MSH6: variants seen among roughly 807,000 people sequenced by gnomAD.
The protein encoded by MSH6 is mutS homolog 6.
A neutral mutation model predicts 119.1 loss-of-function variants in MSH6; 85 were observed. The ratio of observed to expected loss-of-function variants is 0.71; its 90% confidence interval spans 0.60 to 0.85. The LOEUF is 0.85. Ranked by LOEUF, MSH6 falls within the 40% of genes least tolerant of loss-of-function variation. The pLI is 0.00. For missense variants in MSH6, 2,163 were observed against 1,655.3 expected, an observed-to-expected ratio of 1.31 and a Z score of -5.32; for synonymous variants, 830 against 586.9, an observed-to-expected ratio of 1.41 and a Z score of -5.99.
intron 6 of MSH6, 149 bp downstream of exon 6, chr2:47,805,176 T>G (rs1669901825): frequency 6.4e-6 from 4 of 625,372 alleles, no homozygotes; most frequent in South Asian, 1.9e-5. Context: ...CTGCATAGTC[T>G]CTCTCTCTTT....
chr2:47,796,885 T>C (rs1038897115), intron 3 of MSH6, among the ~76,000 whole-genome samples: 9 of 152,012 alleles, frequency 5.9e-5, no homozygotes, highest in African/African-American at 2.2e-4. Flanking sequence ...TGCTTGAACT[T>C]GGGAGGCAGA....
chr2:47,809,075 A>T, downstream of MSH6: 1 of 833,704 alleles, frequency 1.2e-6, no homozygotes, highest in Non-Finnish European at 1.9e-6. Context: ...ACACCGGCAA[A>T]TAGCCAAAAA....
Position 47,806,664 on chromosome 2 carries a change from C to CTATAATGGAATTAT in MSH6, c.4001+14_4001+27dup, listed in dbSNP as rs1670161884. ...TACGATTATTTCGGTAACTAACTAACTATAATGGAATTATAACTAACTGAC... is the reference window on the plus strand; with the variant it reads ...TACGATTATTTCGGTAACTAACTAACTATAATGGAATTATTATAATGGAATTATAACTAACTGAC... On this transcript the variant is annotated intron_variant, in intron 9 of 9. Transcript: ENST00000234420. The CTATAATGGAATTAT allele has an allele frequency of 6.2e-7, 1 of 1,600,604 alleles. No individual in the cohort carries two copies. Among genetic ancestry groups the CTATAATGGAATTAT allele is most frequent in the African/African-American group, 1.4e-5 (1 of 73,818 alleles).
Position 47,804,933 on chromosome 2 carries a change from C to G in MSH6, c.3462C>G (p.Ala1154=), listed in dbSNP as rs1553332163. The change falls in exon 6 of 10, where the codon GCC becomes GCG. Residue 1154 remains alanine, a synonymous_variant. Transcript: ENST00000234420. ...MRQAGLLAVM[A]QMGCYVPAEV... ...AGGCTGGCTTATTAGCTGTAATGGC[C>G]CAGATGGGTTGTTACGTCCCTGCTG... 6.2e-7 allele frequency: 1 copy of G among 1,614,042 alleles called. No homozygotes were observed. The highest frequency in any genetic ancestry group is 2.2e-5 in the East Asian group (1 of 44,888).
Position 47,799,632 on chromosome 2 carries a change from C to T in MSH6, c.1649C>T (p.Ser550Phe), listed in dbSNP as rs878853710. ...CTCAAAGAAAAAGAGGAAGATTCTT[C>T]TGGCCATACTCGTGCATATGGTGTG... ...LSLKEKEEDS[S>F]GHTRAYGVCF... Residue 550 changes from serine (S) to phenylalanine (F), a missense_variant, in exon 4 of 10, where the codon TCT (serine) becomes TTT (phenylalanine). Coordinates refer to ENST00000234420, the MANE Select transcript of MSH6 (RefSeq NM_000179.3). The T allele has an allele frequency of 1.2e-6, 2 of 1,614,110 alleles. No individual in the cohort carries two copies. Among genetic ancestry groups the T allele is most frequent in the Non-Finnish European group, 1.7e-6 (2 of 1,179,996 alleles).
Position 47,800,302 on chromosome 2 carries a change from C to A in MSH6, c.2319C>A (p.Leu773=), listed in dbSNP as rs63749895. The A allele has an allele frequency of 1.2e-6, 2 of 1,614,096 alleles. No homozygotes were observed. Among genetic ancestry groups the A allele is most frequent in the Non-Finnish European group, 1.7e-6 (2 of 1,180,032 alleles). Residue 773 remains leucine, a synonymous_variant, in exon 4 of 10, where the codon CTC becomes CTA. Coordinates refer to ENST00000234420, the MANE Select transcript of MSH6 (RefSeq NM_000179.3). ...GCCATACTCCTTTTGGTAAGCGGCT[C>A]CTAAAGCAATGGCTTTGTGCCCCAC... ...DTCHTPFGKR[L]LKQWLCAPLC...
chr2:47,791,638 T>C (rs1668734373), intron 2 of MSH6, among the ~76,000 whole-genome samples: 1 of 151,692 alleles, frequency 6.6e-6, no homozygotes, highest in Admixed American at 6.6e-5. Context: ...TTGGGCTAGG[T>C]GCACCCCATC....
intron 1 of MSH6, chr2:47,783,834 G>A: frequency 8.1e-6 from 6 of 744,420 alleles, no homozygotes; most frequent in Non-Finnish European, 9.9e-6. Context: ...TGGGGAGGGG[G>A]CCTGGGAGGT....
intron 1 of MSH6, chr2:47,789,460 A>G (rs1311285827): frequency 2.2e-6 from 1 of 460,304 alleles, no homozygotes; most frequent in Non-Finnish European, 4.4e-6. Flanking sequence ...AATGGAAGAC[A>G]TTATTTTTTT....
At chr2:47,795,834 G>C (rs2104224835) in intron 2 of MSH6, 60 bp from the exon 3 acceptor site, 1 of 1,480,544 alleles carries the variant, frequency 6.8e-7, no homozygotes, top group Non-Finnish European at 9.4e-7. Context: ...GAACTGCTGG[G>C]ATTACAGGCG....
At chr2:47,784,128 G>T in intron 1 of MSH6, 4 of 1,006,090 alleles carry the variant, frequency 4.0e-6, no homozygotes, top group Non-Finnish European at 4.8e-6. Flanking sequence ...CGAGGGGGTG[G>T]GCCACGAGCT....
downstream of MSH6, chr2:47,809,413 TAAG>T (rs1292764572): frequency 2.9e-6 from 2 of 687,570 alleles, no homozygotes; most frequent in Non-Finnish European, 4.8e-6. Flanking sequence ...AGAAATCAGC[TAAG>T]AATAGAATTT....
At chr2:47,802,839 A>G (rs983628374) in intron 4 of MSH6, among the ~76,000 whole-genome samples, 2 of 152,110 alleles carry the variant, frequency 1.3e-5, no homozygotes, top group African/African-American at 4.8e-5. Flanking sequence ...GATTGTTTTC[A>G]TATCAGTGTG....
intron 9 of MSH6, 56 bp downstream of exon 9, chr2:47,806,707 C>G (rs1323698109): frequency 6.4e-7 from 1 of 1,557,422 alleles, no homozygotes; most frequent in Non-Finnish European, 8.8e-7. Flanking sequence ...TTCAAAGAAA[C>G]AGTAAAAGGG....
intron 1 of MSH6, 104 bp from the exon 2 acceptor site, chr2:47,790,823 C>G (rs1266020631): frequency 9.8e-7 from 1 of 1,019,598 alleles, no homozygotes; most frequent in African/African-American, 1.6e-5. Context: ...TTCTGTGCTT[C>G]AATATTAATG....
downstream of MSH6, chr2:47,809,290 A>G (rs1293141207): frequency 2.2e-6 from 3 of 1,392,890 alleles, no homozygotes; most frequent in Middle Eastern, 3.9e-4. Flanking sequence ...AAGAATAAGT[A>G]AAAATTCAGA....
chr2:47,804,182 C>T (rs149377831), intron 5 of MSH6, among the ~76,000 whole-genome samples: 17 of 152,150 alleles, frequency 1.1e-4, no homozygotes, highest in African/African-American at 3.9e-4. Flanking sequence ...ACCATCACAG[C>T]TCACTGCAGC....
At chr2:47,787,048 G>T (rs1447422188) in intron 1 of MSH6, among the ~76,000 whole-genome samples, 10 of 152,220 alleles carry the variant, frequency 6.6e-5, no homozygotes, top group Admixed American at 6.5e-4. Flanking sequence ...CAGGGAGGCT[G>T]GGTGCAGTGG....
At chr2:47,791,576 G>C (rs1668732513) in intron 2 of MSH6, among the ~76,000 whole-genome samples, 1 of 151,928 alleles carries the variant, frequency 6.6e-6, no homozygotes. Context: ...TCTTTTCCCA[G>C]ATCTAGTCTT....
Sources: gnomAD v4.1 joint callset for allele counts (sites outside exome capture counted in the v4.1 genomes callset) on GRCh38, gnomAD v4.1.1 for gene constraint, MANE v1.5 for transcripts, NCBI Gene and HGNC (gene_info 2026-07-23, HGNC 2026-07-21) for gene names.